The following SCOC variants were observed in gnomAD, a reference collection of about 807,000 sequenced individuals.
SCOC encodes the protein short coiled-coil protein, also known as short coiled coil protein.
In SCOC, 7 loss-of-function variants were observed where a neutral mutation model predicts 9.9. That is an observed-to-expected ratio of 0.71 (90% CI 0.40 to 1.33). SCOC has a LOEUF of 1.33. Among genes scored for constraint, SCOC ranks in the 40% most tolerant of loss-of-function variants. The pLI, the probability that SCOC is intolerant of heterozygous loss-of-function variation, is 0.01. For synonymous variants in SCOC, 19 were observed against 28.2 expected (o/e 0.67, Z 1.03); for missense variants, 66 against 89.7 (o/e 0.74, Z 1.07).
rs537952767 is a variant in SCOC at position 140,305,269 on chromosome 4, G to A, written c.-18-38352G>A. Among the ~76,000 whole-genome samples, 6 of 152,264 alleles carry A rather than the reference G, an allele frequency of 3.9e-5. No homozygotes were observed. In the East Asian group the frequency reaches 5.8e-4, roughly 15 times the overall value. On this transcript the variant is annotated intron_variant, in intron 1 of 4. Coordinates refer to the SCOC transcript ENST00000394205. The stretch of plus-strand genomic sequence containing the variant: ...GCATTCCTCCTACAGAAGGCATGCC[G>A]TCTTGACAAATAGGTATACGCCTAG...
At chr4:140,289,379 C>G (rs906058539) in intron 1 of SCOC, among the ~76,000 whole-genome samples, 9 of 152,164 alleles carry the variant, frequency 5.9e-5, no homozygotes, top group African/African-American at 1.9e-4. Context: ...TCAAGGCTGG[C>G]TGCTTTTGGA....
intron 1 of SCOC, among the ~76,000 whole-genome samples, chr4:140,332,140 G>A (rs1476002069): frequency 6.6e-6 from 1 of 152,090 alleles, no homozygotes; most frequent in Non-Finnish European, 1.5e-5. Context: ...CCAACCGCCT[G>A]CTACCAGGCC....
intron 2 of SCOC, among the ~76,000 whole-genome samples, chr4:140,349,390 A>G (rs138470303): frequency 1.3e-4 from 20 of 152,328 alleles, no homozygotes; most frequent in African/African-American, 4.3e-4. Flanking sequence ...TCCTAGTTTT[A>G]AAAACAATAG....
chr4:140,345,714 T>C (rs1162054507), intron 2 of SCOC, among the ~76,000 whole-genome samples: 1 of 152,204 alleles, frequency 6.6e-6, no homozygotes, highest in Admixed American at 6.5e-5. Flanking sequence ...TATACATATA[T>C]GCATACATAT....
intron 1 of SCOC, among the ~76,000 whole-genome samples, chr4:140,311,201 A>T (rs891951099): frequency 6.6e-6 from 1 of 152,158 alleles, no homozygotes; most frequent in Non-Finnish European, 1.5e-5. Context: ...GTGCCACTAC[A>T]CTCTAGCCTG....
chr4:140,335,352 A>C (rs996873964), intron 1 of SCOC, among the ~76,000 whole-genome samples: 7 of 152,194 alleles, frequency 4.6e-5, no homozygotes, highest in African/African-American at 1.7e-4. Flanking sequence ...GAGGATAATG[A>C]GATGATAGAG....
intron 1 of SCOC, among the ~76,000 whole-genome samples, chr4:140,278,565 C>T (rs1407476950): frequency 6.6e-6 from 1 of 152,178 alleles, no homozygotes; most frequent in Non-Finnish European, 1.5e-5. Context: ...TCCCAAAGTG[C>T]TGGGATTACA....
chr4:140,273,443 T>C (rs1283104280), intron 1 of SCOC, among the ~76,000 whole-genome samples: 1 of 152,208 alleles, frequency 6.6e-6, no homozygotes, highest in Non-Finnish European at 1.5e-5. Flanking sequence ...CATCTTTTTT[T>C]TTCTTTCTGA....
chr4:140,342,948 G>T (rs1726562181), upstream of SCOC, among the ~76,000 whole-genome samples: 1 of 152,114 alleles, frequency 6.6e-6, no homozygotes, highest in South Asian at 2.1e-4. Flanking sequence ...AGAGTGTATT[G>T]ATGAGCTCAA....
intron 2 of SCOC, chr4:140,366,849 C>T: frequency 2.5e-6 from 2 of 795,992 alleles, no homozygotes; most frequent in Non-Finnish European, 4.5e-6. Flanking sequence ...CCACGAAGCG[C>T]CTGAACACCA....
intron 2 of SCOC, among the ~76,000 whole-genome samples, chr4:140,362,102 C>G (rs1398630400): frequency 1.8e-5 from 2 of 110,334 alleles, no homozygotes; most frequent in East Asian, 3.2e-4. Context: ...GCAAGGCTTT[C>G]TTTAGTTTTC....
chr4:140,379,741 G>A, intron 3 of SCOC, 89 bp downstream of exon 3: 1 of 915,768 alleles, frequency 1.1e-6, no homozygotes, highest in South Asian at 1.5e-5. Flanking sequence ...TTGTTAGGAT[G>A]TATAATTTTT....
chr4:140,272,720 T>G (rs770053330), intron 1 of SCOC, among the ~76,000 whole-genome samples: 32 of 151,864 alleles, frequency 2.1e-4, no homozygotes, highest in Non-Finnish European at 4.3e-4. Flanking sequence ...AAAAGATGTG[T>G]CAACAAGAAG....
At chr4:140,348,041 T>C (rs543767823) in intron 2 of SCOC, among the ~76,000 whole-genome samples, 53 of 152,192 alleles carry the variant, frequency 3.5e-4, no homozygotes, top group Non-Finnish European at 7.1e-4. Flanking sequence ...GTTTATGGTT[T>C]ATGGTGTACA....
At chr4:140,303,245 AATT>A (rs1242263162) in intron 1 of SCOC, among the ~76,000 whole-genome samples, 3 of 152,222 alleles carry the variant, frequency 2.0e-5, no homozygotes, top group South Asian at 2.1e-4. Flanking sequence ...ACAGAAAAAA[AATT>A]ATTATTTGTT....
At position 140,261,552 on chromosome 4, in the gene SCOC, C is replaced by T. The variant is rs1730634398; in HGVS notation, c.-19+4142C>T. Among the ~76,000 whole-genome samples the T allele has an allele frequency of 3.3e-5, 5 of 152,166 alleles. No homozygotes were observed. In the South Asian group the frequency reaches 1.0e-3, roughly 31 times the overall value. The stretch of plus-strand genomic sequence containing the variant: ...GAAAAGGCTGAGTGCCCTCTGCATT[C>T]ATGAAATATTTAGTGAGTACTCCAA... On this transcript the variant is annotated intron_variant, in intron 1 of 4. Transcript: ENST00000394205.
At chr4:140,373,374 A>T, upstream of SCOC, 1 of 1,450,326 alleles carries the variant, frequency 6.9e-7, no homozygotes, top group Non-Finnish European at 9.1e-7. Flanking sequence ...GAGCCGCTTC[A>T]CCAGCGCCGC....
At chr4:140,272,675 G>A (rs1386705802) in intron 1 of SCOC, among the ~76,000 whole-genome samples, 1 of 152,178 alleles carries the variant, frequency 6.6e-6, no homozygotes, top group African/African-American at 2.4e-5. Flanking sequence ...AAACATAGAT[G>A]TGGAGGGTGC....
At chr4:140,338,853 T>C (rs1197930884), upstream of SCOC, among the ~76,000 whole-genome samples, 2 of 152,136 alleles carry the variant, frequency 1.3e-5, no homozygotes, top group African/African-American at 4.8e-5. Context: ...AGAATCAATA[T>C]TGTGAAAATG....
Sources: allele counts gnomAD v4.1 joint callset (sites outside exome capture counted in the v4.1 genomes callset), GRCh38; gene constraint gnomAD v4.1.1; transcripts MANE v1.5; gene names NCBI Gene and HGNC (gene_info 2026-07-23, HGNC 2026-07-21).